KARS1: variants seen among roughly 807,000 people sequenced by gnomAD.
KARS1 encodes the protein lysyl-tRNA synthetase 1, also known as lysine--tRNA ligase.
In KARS1, 50 loss-of-function variants were observed where a neutral mutation model predicts 63.9. The observed-to-expected ratio is 0.78, with a 90% CI of 0.62 to 0.99. The LOEUF (loss-of-function observed/expected upper bound fraction) is 0.99. KARS1 is among the 50% of genes least tolerant of loss of function. The pLI is 0.00. For missense variants in KARS1, 816 were observed against 754.5 expected (o/e 1.08, Z -0.95); for synonymous variants, 320 against 264.6 (o/e 1.21, Z -2.03).
intron 1 of KARS1, among the ~76,000 whole-genome samples, chr16:75,643,315 C>T (rs889811666): frequency 6.6e-6 from 1 of 152,130 alleles, no homozygotes; most frequent in Non-Finnish European, 1.5e-5. Flanking sequence ...CAGGACACAT[C>T]CTTCATTTTC....
chr16:75,644,525 C>G, intron 1 of KARS1: 11 of 1,208,414 alleles, frequency 9.1e-6, no homozygotes, highest in Non-Finnish European at 1.1e-5. Flanking sequence ...ACCCAACCAA[C>G]TCTCTTATGG....
At chr16:75,634,109 T>C (rs761777225) in intron 7 of KARS1, 64 bp downstream of exon 7, 8 of 1,561,510 alleles carry the variant, frequency 5.1e-6, no homozygotes, top group Admixed American at 1.7e-5. Context: ...ACTATACCCA[T>C]CTAGCCAGTG....
At chr16:75,631,968 A>G (rs950946754) in intron 7 of KARS1, 113 bp from the exon 8 acceptor site, 24 of 1,237,090 alleles carry the variant, frequency 1.9e-5, no homozygotes, top group Non-Finnish European at 2.8e-5. Flanking sequence ...GCTCACCGCA[A>G]CCTCCGCCTC....
chr16:75,646,649 A>G (rs2082287909), intron 1 of KARS1, among the ~76,000 whole-genome samples: 1 of 151,706 alleles, frequency 6.6e-6, no homozygotes, highest in South Asian at 2.1e-4. Context: ...CTCACGCAGC[A>G]CTTCTGGCAG....
At position 75,637,779 on chromosome 16, in the gene KARS1, C is replaced by CAA. The variant is rs72500765; in HGVS notation, c.389-1234_389-1233dup. 1.5e-3 allele frequency among the ~76,000 whole-genome samples: 136 copies of CAA among 91,204 alleles called. 1 individual carries two copies. The highest frequency in any genetic ancestry group is 2.3e-3 in the Non-Finnish European group (100 of 44,004). The allele number at this position is 91,204 out of a possible 152,430, so 59.8% of individuals were successfully genotyped here. On this transcript the variant is annotated intron_variant, in intron 3 of 13. Coordinates refer to ENST00000302445, the MANE Select transcript of KARS1 (RefSeq NM_005548.3). ...GGGCAATAAGAGCAAAACTCAGTCT[C>CAA]AAAAAAAAAAAAAAAAAATCTAAAG...
rs139096979 is a variant in KARS1 at position 75,636,716 on chromosome 16, C to T, written c.389-169G>A. The stretch of plus-strand genomic sequence containing the variant: ...TGGCACGATCTCAGCTCAATGCAAC[C>T]TCCGCCTCCCAGGTTCAAGTGACTC... On this transcript the variant is annotated intron_variant, in intron 3 of 13. Coordinates refer to ENST00000302445, the MANE Select transcript of KARS1 (RefSeq NM_005548.3). Among the ~76,000 whole-genome samples the T allele has an allele frequency of 6.9e-3, 1,043 of 151,940 alleles. 14 individuals are homozygous for T. The highest frequency in any genetic ancestry group is 0.024 in the African/African-American group (985 of 41,424).
chr16:75,646,478 T>G (rs1383805146), intron 1 of KARS1, among the ~76,000 whole-genome samples: 2 of 151,036 alleles, frequency 1.3e-5, no homozygotes, highest in Non-Finnish European at 3.0e-5. Context: ...GCAGCGAAGG[T>G]TGCAGTGAGC....
chr16:75,644,230 G>C, intron 1 of KARS1: 1 of 1,508,588 alleles, frequency 6.6e-7, no homozygotes, highest in South Asian at 1.2e-5. Context: ...AATGAACCAA[G>C]TAAGGAAATA....
In KARS1 at chr16:75,631,202, G is replaced by C. The variant is rs755292539; in HGVS notation, c.1304C>G (p.Pro435Arg). The C allele has an allele frequency of 6.2e-6, 10 of 1,614,044 alleles. No homozygotes were observed. Among genetic ancestry groups the C allele is most frequent in the South Asian group, 1.1e-5 (1 of 91,048 alleles). ...GAGCCTGGCTGTGGTCCGAGGTGGA[G>C]GGCATTCAACAGCTTTTGCCACACA... ...DICVAKAVEC[P>R]PPRTTARLLD... Residue 435 changes from proline to arginine, a missense_variant, in exon 10 of 14, where the codon CCT becomes CGT. Coordinates refer to ENST00000302445, the MANE Select transcript of KARS1 (RefSeq NM_005548.3).
intron 6 of KARS1, 150 bp from the exon 7 acceptor site, chr16:75,634,442 G>T: frequency 1.3e-6 from 1 of 781,232 alleles, no homozygotes; most frequent in South Asian, 1.5e-5. Context: ...TGACAAAAAA[G>T]GACACTATGA....
rs2082207947 is a variant in KARS1 at position 75,640,218 on chromosome 16, C to G, written c.354G>C (p.Gly118=). 1 of 1,614,068 alleles carries G rather than the reference C, an allele frequency of 6.2e-7. No individual in the cohort carries two copies. The highest frequency in any genetic ancestry group is 8.5e-7 in the Non-Finnish European group (1 of 1,179,988). Residue 118 remains glycine, a synonymous_variant, in exon 3 of 14, where the codon GGG becomes GGC. Coordinates refer to ENST00000302445, the MANE Select transcript of KARS1 (RefSeq NM_005548.3). ...FIQKYSHLQP[G]DHLTDITLKV... is the part of the protein sequence containing the mutation. ...TTAAGGTGATGTCAGTCAGGTGATC[C>G]CCAGGCTGCAGGTGACTATATTTTT... is the stretch of plus-strand genomic sequence containing the variant.
Position 75,631,761 on chromosome 16 carries a change from G to C in KARS1, c.1010C>G (p.Thr337Ser). The change falls in exon 8 of 14, where the codon ACC becomes AGC. Residue 337 changes from threonine (T) to serine (S), a missense_variant. Physicochemically the swap from Thr to Ser is moderately conservative, Grantham distance 58. Coordinates refer to ENST00000302445, the MANE Select transcript of KARS1 (RefSeq NM_005548.3). ...TGCATAGGCCATGTAGAACTCACAGGTGGTGAACTCAGGATTGTGCGTCAA... is the reference window on the plus strand; with the variant it reads ...TGCATAGGCCATGTAGAACTCACAGCTGGTGAACTCAGGATTGTGCGTCAA... ...IDLTHNPEFTTCEFYMAYADY... is the reference protein window; with the variant it reads ...IDLTHNPEFTSCEFYMAYADY... 6.2e-7 allele frequency: 1 copy of C among 1,614,200 alleles called. No homozygotes were observed. Among genetic ancestry groups the C allele is most frequent in the Non-Finnish European group, 8.5e-7 (1 of 1,180,030 alleles).
chr16:75,644,654 G>T (rs2082261799), intron 1 of KARS1, among the ~76,000 whole-genome samples: 1 of 152,178 alleles, frequency 6.6e-6, no homozygotes, highest in African/African-American at 2.4e-5. Context: ...AATGTTCTTA[G>T]TCCTGACTAT....
chr16:75,645,130 G>C (rs971837528), intron 1 of KARS1, among the ~76,000 whole-genome samples: 2 of 152,194 alleles, frequency 1.3e-5, no homozygotes, highest in East Asian at 1.9e-4. Flanking sequence ...TCAATACCTG[G>C]CACAAAATGG....
chr16:75,635,406 T>C (rs2082151147), intron 6 of KARS1: 2 of 382,658 alleles, frequency 5.2e-6, no homozygotes, highest in South Asian at 5.1e-5. Flanking sequence ...AAATATTTCT[T>C]AATGCTACAA....
chr16:75,647,404 G>A (rs2082299540), intron 1 of KARS1, 174 bp downstream of exon 1: 4 of 692,624 alleles, frequency 5.8e-6, no homozygotes, highest in Non-Finnish European at 5.2e-6. Context: ...CGGCGTGCCC[G>A]GGGTATCCCG....
chr16:75,627,971 A>G lies in KARS1; in HGVS notation c.1718T>C (p.Met573Thr). 1 of 1,607,642 alleles carries G rather than the reference A, an allele frequency of 6.2e-7. No homozygotes were observed. Among genetic ancestry groups the G allele is most frequent in the Non-Finnish European group, 8.5e-7 (1 of 1,174,032 alleles). ...NIKEVLLFPA[M>T]KPEDKKENVA... ...ATTCTCCTTCTTGTCTTCGGGTTTC[A>G]TGGCAGGAAACAGAAGTACTTCCTG... Residue 573 changes from methionine to threonine, a missense_variant, in exon 14 of 14, where the codon ATG becomes ACG. By Grantham distance (81) the Met-to-Thr change is moderately conservative (BLOSUM62 -1). Coordinates refer to ENST00000302445, the MANE Select transcript of KARS1 (RefSeq NM_005548.3).
chr16:75,627,833 G>T lies in KARS1; in HGVS notation c.*62C>A. The T allele has an allele frequency of 1.1e-6, 1 of 923,238 alleles. No individual in the cohort carries two copies. Among genetic ancestry groups the T allele is most frequent in the Non-Finnish European group, 1.8e-6 (1 of 549,482 alleles). 57.2% of individuals were successfully genotyped at this position (923,238 alleles called of 1,614,324 possible). ...AGCAGCACACAAGAATTCCCTTGCA[G>T]ACCTTGATCTTTCGCAGAAATGCAA... On this transcript the variant is annotated 3_prime_UTR_variant, in exon 14 of 14. Coordinates refer to ENST00000302445, the MANE Select transcript of KARS1 (RefSeq NM_005548.3).
intron 6 of KARS1, 53 bp downstream of exon 6, chr16:75,635,627 G>A: frequency 6.2e-7 from 1 of 1,603,242 alleles, no homozygotes; most frequent in Non-Finnish European, 8.5e-7. Context: ...AGGGAGAGGA[G>A]GAGGCAAGCA....
Sources: gnomAD v4.1 joint callset for allele counts (sites outside exome capture counted in the v4.1 genomes callset) on GRCh38, gnomAD v4.1.1 for gene constraint, MANE v1.5 for transcripts, NCBI Gene and HGNC (gene_info 2026-07-23, HGNC 2026-07-21) for gene names.